PRKN: variants seen among roughly 807,000 people sequenced by gnomAD.
The protein encoded by PRKN is parkin RBR E3 ubiquitin protein ligase, also known as E3 ubiquitin-protein ligase parkin.
In PRKN, 56 loss-of-function variants were observed where a neutral mutation model predicts 59.5. The ratio of observed to expected loss-of-function variants is 0.94; its 90% CI spans 0.76 to 1.18. The LOEUF (loss-of-function observed/expected upper bound fraction) is 1.18. Among genes scored for constraint, PRKN ranks in the 50% most tolerant of loss-of-function variants. The pLI, the probability that PRKN is intolerant of heterozygous loss-of-function variation, is 0.00. For missense variants in PRKN, 657 were observed against 596.4 expected (o/e 1.10, Z -1.06); for synonymous variants, 250 against 222.1 (o/e 1.13, Z -1.12).
At chr6:162,030,781 A>T (rs961766311) in intron 5 of PRKN, among the ~76,000 whole-genome samples, 2 of 152,176 alleles carry the variant, frequency 1.3e-5, no homozygotes, top group African/African-American at 4.8e-5. Flanking sequence ...AGCTCTAGGT[A>T]CTGGAATTTG....
intron 3 of PRKN, among the ~76,000 whole-genome samples, chr6:162,246,294 T>C (rs1202952953): frequency 6.6e-6 from 1 of 152,094 alleles, no homozygotes; most frequent in Non-Finnish European, 1.5e-5. Flanking sequence ...AGAGGGTATG[T>C]AGAGGAAACC....
At chr6:161,752,770 T>C (rs953788647) in intron 7 of PRKN, among the ~76,000 whole-genome samples, 1 of 152,124 alleles carries the variant, frequency 6.6e-6, no homozygotes, top group Admixed American at 6.6e-5. Context: ...AGTAGAGAGA[T>C]CATTTAGTAG....
Position 161,394,656 on chromosome 6 carries a change from G to A in PRKN, c.1084-7779C>T, listed in dbSNP as rs138326014. Among the ~76,000 whole-genome samples the A allele has an allele frequency of 3.5e-3, 540 of 152,194 alleles. 6 individuals are homozygous for A. Among genetic ancestry groups the A allele is most frequent in the African/African-American group, 0.011 (451 of 41,514 alleles). On this transcript the variant is annotated intron_variant, in intron 9 of 11. Transcript: ENST00000366898. ...CACTGACCCACTCACTATGAGTACC[G>A]TCTAGTAGGAAACTTTAGTACCACC...
intron 2 of PRKN, among the ~76,000 whole-genome samples, chr6:162,428,448 T>C (rs1425902002): frequency 1.3e-5 from 2 of 152,170 alleles, no homozygotes; most frequent in Non-Finnish European, 2.9e-5. Flanking sequence ...AACTTCCTAC[T>C]GGAGATCGCC....
intron 4 of PRKN, among the ~76,000 whole-genome samples, chr6:162,139,008 C>A (rs1422351604): frequency 6.6e-6 from 1 of 152,124 alleles, no homozygotes; most frequent in Non-Finnish European, 1.5e-5. Context: ...TAAGAGAAAG[C>A]AAGAGTGGGG....
At chr6:162,413,332 A>G (rs1788441511) in intron 2 of PRKN, among the ~76,000 whole-genome samples, 1 of 152,196 alleles carries the variant, frequency 6.6e-6, no homozygotes, top group Non-Finnish European at 1.5e-5. Flanking sequence ...TGGAGCTACA[A>G]GCATGAGTTA....
At position 161,400,062 on chromosome 6, in the gene PRKN, A is replaced by G. The variant is rs1462843944; in HGVS notation, c.1084-13185T>C. ...TCTCAGTTGGGACTAGCCCTATTCT[A>G]TGGGCTCAGGAGCCTCACGTGGGCA... On this transcript the variant is annotated intron_variant, in intron 9 of 11. Coordinates refer to ENST00000366898, the MANE Select transcript of PRKN (RefSeq NM_004562.3). This position sits in a 1 kb window ranked among gnomAD's most constrained non-coding sequence, Gnocchi z 4.2. 6.6e-6 allele frequency among the ~76,000 whole-genome samples: 1 copy of G among 152,088 alleles called. No individual in the cohort carries two copies. The highest frequency in any genetic ancestry group is 2.4e-5 in the African/African-American group (1 of 41,412).
At chr6:162,418,107 A>T (rs1359519571) in intron 2 of PRKN, among the ~76,000 whole-genome samples, 1 of 152,206 alleles carries the variant, frequency 6.6e-6, no homozygotes, top group East Asian at 1.9e-4. Context: ...AAACAACCCA[A>T]ATGTCCATCA....
At chr6:162,688,293 G>A (rs1777643705) in intron 1 of PRKN, among the ~76,000 whole-genome samples, 1 of 152,168 alleles carries the variant, frequency 6.6e-6, no homozygotes, top group Non-Finnish European at 1.5e-5. Flanking sequence ...CTTTCAGTGA[G>A]GATATTGATG....
chr6:162,085,808 C>T (rs1456011578), intron 4 of PRKN, among the ~76,000 whole-genome samples: 2 of 151,838 alleles, frequency 1.3e-5, no homozygotes, highest in Non-Finnish European at 2.9e-5. Flanking sequence ...CAGTGAAAAA[C>T]ACTTTTATGA....
chr6:162,661,873 A>G (rs1778896785), intron 1 of PRKN, among the ~76,000 whole-genome samples: 1 of 152,192 alleles, frequency 6.6e-6, no homozygotes, highest in Admixed American at 6.5e-5. Flanking sequence ...GGTTTCTTAC[A>G]TGCGTATACT....
At chr6:162,355,332 A>G (rs1784805959) in intron 2 of PRKN, among the ~76,000 whole-genome samples, 1 of 151,570 alleles carries the variant, frequency 6.6e-6, no homozygotes, top group Non-Finnish European at 1.5e-5. Flanking sequence ...TTTAATTAAG[A>G]GACTTTTTAA....
At chr6:161,957,157 C>A (rs1259398370) in intron 6 of PRKN, among the ~76,000 whole-genome samples, 2 of 152,182 alleles carry the variant, frequency 1.3e-5, no homozygotes, top group African/African-American at 2.4e-5. Context: ...GAGGGAGCAG[C>A]AATTCCAGGG....
chr6:161,720,758 T>C (rs1787184889), intron 7 of PRKN, among the ~76,000 whole-genome samples: 1 of 120,752 alleles, frequency 8.3e-6, no homozygotes. Flanking sequence ...ATAGGTACTT[T>C]TAAAACTATT....
intron 4 of PRKN, among the ~76,000 whole-genome samples, chr6:162,059,270 G>A (rs1275910024): frequency 6.6e-6 from 1 of 152,066 alleles, no homozygotes; most frequent in Non-Finnish European, 1.5e-5. Context: ...ATAACACAAT[G>A]GTGTAAGTAG....
At chr6:161,820,814 T>A (rs1245513861) in intron 6 of PRKN, among the ~76,000 whole-genome samples, 1 of 151,172 alleles carries the variant, frequency 6.6e-6, no homozygotes, top group Non-Finnish European at 1.5e-5. Flanking sequence ...CAACTTAAAT[T>A]TTCAAGAATT....
chr6:161,922,487 G>A (rs1778822545), intron 6 of PRKN, among the ~76,000 whole-genome samples: 1 of 152,080 alleles, frequency 6.6e-6, no homozygotes, highest in South Asian at 2.1e-4. Flanking sequence ...ATACATATGT[G>A]TGTGTATATA....
chr6:161,494,264 A>G (rs1391362412), intron 9 of PRKN, among the ~76,000 whole-genome samples: 1 of 152,154 alleles, frequency 6.6e-6, no homozygotes, highest in Non-Finnish European at 1.5e-5. Flanking sequence ...TGTCTTGGCA[A>G]CTCTTACCCC....
chr6:162,715,257 G>A (rs911812412), intron 1 of PRKN, among the ~76,000 whole-genome samples: 1 of 152,192 alleles, frequency 6.6e-6, no homozygotes, highest in Admixed American at 6.5e-5. Flanking sequence ...AGACAAACCG[G>A]AGGCAAGGAC....
Sources: gnomAD v4.1 joint callset for allele counts (sites outside exome capture counted in the v4.1 genomes callset) on GRCh38, gnomAD v4.1.1 for gene constraint, Gnocchi (gnomAD v3.1) non-coding constraint, MANE v1.5 for transcripts, NCBI Gene and HGNC (gene_info 2026-07-23, HGNC 2026-07-21) for gene names.